The following PCDHA7 variants were observed in gnomAD, a reference collection of about 807,000 sequenced individuals.
PCDHA7 encodes protocadherin alpha-7.
A neutral mutation model predicts 57.2 loss-of-function variants in PCDHA7; 37 were observed. That is an observed-to-expected ratio of 0.65 (90% CI 0.50 to 0.85). The LOEUF is 0.85. PCDHA7 is among the 40% of genes least tolerant of loss of function. The pLI is 0.00. For missense variants in PCDHA7, 1,188 were observed against 1,241.8 expected (o/e 0.96, Z 0.65); for synonymous variants, 553 against 558.8 (o/e 0.99, Z 0.15).
rs1282110712 is a variant in PCDHA7, at chr5:140,926,177, A to G, written c.2356-52772A>G. Among the ~76,000 whole-genome samples the G allele has an allele frequency of 2.0e-5, 3 of 151,672 alleles. No individual in the cohort carries two copies. The South Asian group carries it at 6.6e-4, about 34-fold the overall frequency. On this transcript the variant is annotated intron_variant, in intron 1 of 3. Coordinates refer to ENST00000525929, the MANE Select transcript of PCDHA7 (RefSeq NM_018910.3). ...CTCTGCAGCAGGATCCAGCGCGGAA[A>G]GCCCCCCGCAGCACTTCTTTCGGGG...
intron 3 of PCDHA7, among the ~76,000 whole-genome samples, chr5:141,005,561 G>T (rs1554260149): frequency 6.6e-6 from 1 of 151,354 alleles, no homozygotes. Flanking sequence ...AATTAGCCGG[G>T]CATGGTGGCG....
At chr5:140,843,439 G>A (rs2150360020) in intron 1 of PCDHA7, 5 of 1,596,092 alleles carry the variant, frequency 3.1e-6, no homozygotes, top group South Asian at 1.1e-5. Context: ...CCATCTGCGC[G>A]GTATCCAGCC....
intron 1 of PCDHA7, among the ~76,000 whole-genome samples, chr5:140,899,649 G>T (rs1405894081): frequency 6.6e-6 from 1 of 152,130 alleles, no homozygotes; most frequent in Non-Finnish European, 1.5e-5. Flanking sequence ...CTCTTATTTG[G>T]TTGTGTCTCT....
chr5:140,884,230 C>T, intron 1 of PCDHA7: 8 of 1,613,384 alleles, frequency 5.0e-6, no homozygotes, highest in Non-Finnish European at 6.8e-6. Flanking sequence ...TGAAGGACCA[C>T]GGTGAGCCCG....
intron 1 of PCDHA7, chr5:140,855,963 AT>A: frequency 7.1e-7 from 1 of 1,404,396 alleles, no homozygotes; most frequent in Non-Finnish European, 9.7e-7. Context: ...TAAAAAATAG[AT>A]ATAAGAAATA....
chr5:140,969,225 C>G (rs782766938), intron 1 of PCDHA7: 13 of 1,614,118 alleles, frequency 8.1e-6, no homozygotes, highest in Admixed American at 1.7e-5. Flanking sequence ...CCAGGGCCTT[C>G]GGGAGCCCAA....
intron 1 of PCDHA7, chr5:140,852,675 C>G: frequency 3.1e-6 from 3 of 968,904 alleles, no homozygotes; most frequent in Non-Finnish European, 3.7e-6. Context: ...CACAACTCAC[C>G]TTGAATATAG....
chr5:140,976,413 C>T (rs560298731), intron 1 of PCDHA7, among the ~76,000 whole-genome samples: 2 of 151,978 alleles, frequency 1.3e-5, no homozygotes, highest in African/African-American at 4.8e-5. Flanking sequence ...TAGCCAGGTA[C>T]GGTGGCAGAT....
intron 1 of PCDHA7, chr5:140,857,275 C>T: frequency 6.3e-7 from 1 of 1,598,374 alleles, no homozygotes; most frequent in Non-Finnish European, 8.6e-7. Context: ...TGGTGCTGGA[C>T]AGCGCTCTGG....
chr5:140,944,470 A>G (rs1245262998), intron 1 of PCDHA7, among the ~76,000 whole-genome samples: 1 of 152,166 alleles, frequency 6.6e-6, no homozygotes, highest in East Asian at 1.9e-4. Flanking sequence ...TACAGGTATG[A>G]GGCACTGGAC....
intron 3 of PCDHA7, among the ~76,000 whole-genome samples, chr5:140,999,527 C>G (rs578180518): frequency 6.6e-6 from 1 of 152,088 alleles, no homozygotes; most frequent in Non-Finnish European, 1.5e-5. Context: ...TTGTTACCCC[C>G]TGGATATGAC....
intron 1 of PCDHA7, among the ~76,000 whole-genome samples, chr5:140,945,880 A>G (rs1210743057): frequency 6.6e-6 from 1 of 152,136 alleles, no homozygotes; most frequent in Non-Finnish European, 1.5e-5. Flanking sequence ...TAAAACTAAC[A>G]AAGAAAACAC....
At chr5:141,002,485 C>T (rs1287282223) in intron 3 of PCDHA7, among the ~76,000 whole-genome samples, 2 of 152,154 alleles carry the variant, frequency 1.3e-5, no homozygotes, top group Non-Finnish European at 2.9e-5. Flanking sequence ...AAAGGATGAC[C>T]TTGTTATACA....
chr5:140,897,769 C>T (rs1441051679), intron 1 of PCDHA7, among the ~76,000 whole-genome samples: 2 of 152,198 alleles, frequency 1.3e-5, no homozygotes, highest in Non-Finnish European at 2.9e-5. Flanking sequence ...GCCACACTGA[C>T]TTCCACAATG....
intron 1 of PCDHA7, among the ~76,000 whole-genome samples, chr5:140,838,065 TTA>T (rs144773480): frequency 0.038 from 4,279 of 113,132 alleles, 207 homozygotes; most frequent in Non-Finnish European, 0.046. Context: ...CCACTTTAAG[TTA>T]TATATATATA....
intron 1 of PCDHA7, chr5:140,856,284 A>C (rs1164216826): frequency 5.6e-6 from 9 of 1,598,362 alleles, no homozygotes; most frequent in Non-Finnish European, 7.7e-6. Context: ...GTAAATCTGC[A>C]GAATGGCATT....
At chr5:140,928,061 C>T (rs2084900711) in intron 1 of PCDHA7, 1 of 1,614,192 alleles carries the variant, frequency 6.2e-7, no homozygotes, top group African/African-American at 1.3e-5. Flanking sequence ...CTGACGGCTT[C>T]CTTTGACAAC....
At chr5:140,959,676 A>G (rs2095505288) in intron 1 of PCDHA7, among the ~76,000 whole-genome samples, 1 of 152,246 alleles carries the variant, frequency 6.6e-6, no homozygotes, top group Non-Finnish European at 1.5e-5. Flanking sequence ...AATCATTTCT[A>G]AATAATTTCA....
intron 1 of PCDHA7, among the ~76,000 whole-genome samples, chr5:140,945,113 T>C (rs1359604882): frequency 2.6e-5 from 4 of 152,084 alleles, no homozygotes; most frequent in African/African-American, 4.8e-5. Flanking sequence ...AGTTGAAAGA[T>C]AAAAAATCAA....
Sources: allele counts gnomAD v4.1 joint callset (sites outside exome capture counted in the v4.1 genomes callset), GRCh38; gene constraint gnomAD v4.1.1; transcripts MANE v1.5; gene names NCBI Gene and HGNC (gene_info 2026-07-23, HGNC 2026-07-21).